CCDC178: variants seen among roughly 807,000 people sequenced by gnomAD.
The protein encoded by CCDC178 is coiled-coil domain containing 178.
CCDC178 carries 126 observed loss-of-function variants against 117.4 expected under a neutral mutation model. The ratio of observed to expected loss-of-function variants is 1.07; its 90% CI spans 0.93 to 1.24. The LOEUF is 1.24. Ranked by LOEUF, CCDC178 falls within the 50% of genes most tolerant of loss-of-function variation. The pLI is 0.00. For synonymous variants in CCDC178, 283 were observed against 313.4 expected, an observed-to-expected ratio of 0.90 and a Z score of 1.02; for missense variants, 1,030 against 986.9, an observed-to-expected ratio of 1.04 and a Z score of -0.59.
At chr18:33,126,127 G>A (rs2058001361) in intron 20 of CCDC178, among the ~76,000 whole-genome samples, 1 of 152,090 alleles carries the variant, frequency 6.6e-6, no homozygotes, top group Non-Finnish European at 1.5e-5. Context: ...TGACCAATTA[G>A]GAGGCTAGTT....
chr18:33,343,755 TTA>T (rs1473093949), intron 9 of CCDC178, among the ~76,000 whole-genome samples: 1 of 152,202 alleles, frequency 6.6e-6, no homozygotes, highest in African/African-American at 2.4e-5. Context: ...TTCCTTAATT[TTA>T]TTTTTGAAAA....
intron 21 of CCDC178, among the ~76,000 whole-genome samples, chr18:33,086,400 G>GTA (rs1326326072): frequency 6.8e-6 from 1 of 147,326 alleles, no homozygotes; most frequent in East Asian, 2.0e-4. Context: ...ATACATGTAT[G>GTA]TATATATACA....
chr18:33,439,383 T>C lies in CCDC178; in HGVS notation c.-23+579A>G, dbSNP rs2064343926. ...TTGTGGATAAAAGCTCTGGCAGCAATCCCAACCCATCCAGGGATAGTGGGT... is the reference window on the plus strand; with the variant it reads ...TTGTGGATAAAAGCTCTGGCAGCAACCCCAACCCATCCAGGGATAGTGGGT... On this transcript the variant is annotated intron_variant, in intron 2 of 22. Transcript: ENST00000383096. 2.0e-5 allele frequency among the ~76,000 whole-genome samples: 3 copies of C among 152,246 alleles called. 1 individual carries two copies. The South Asian group carries it at 6.2e-4, about 32-fold the overall frequency.
At chr18:33,290,614 A>T (rs1360940714) in intron 12 of CCDC178, among the ~76,000 whole-genome samples, 1 of 152,132 alleles carries the variant, frequency 6.6e-6, no homozygotes, top group African/African-American at 2.4e-5. Context: ...GATAATCCTG[A>T]AACCTATATG....
intron 21 of CCDC178, among the ~76,000 whole-genome samples, chr18:33,047,591 C>T (rs1311325695): frequency 6.6e-6 from 1 of 152,076 alleles, no homozygotes; most frequent in East Asian, 1.9e-4. Context: ...AGTGTTTCTT[C>T]ATCTGTGAAA....
At chr18:33,054,207 C>T (rs73415497) in intron 21 of CCDC178, among the ~76,000 whole-genome samples, 67 of 152,310 alleles carry the variant, frequency 4.4e-4, no homozygotes, top group African/African-American at 1.6e-3. Flanking sequence ...ATAAATATTT[C>T]CATGAGCTGT....
chr18:32,972,077 G>A, intron 22 of CCDC178, among the ~76,000 whole-genome samples: 1 of 152,038 alleles, frequency 6.6e-6, no homozygotes, highest in African/African-American at 2.4e-5. Flanking sequence ...TGGTGTTTTA[G>A]TAATGAAGAA....
At chr18:33,017,099 A>G (rs1286496794) in intron 21 of CCDC178, among the ~76,000 whole-genome samples, 1 of 151,948 alleles carries the variant, frequency 6.6e-6, no homozygotes, top group Non-Finnish European at 1.5e-5. Flanking sequence ...TCAGTTTTAC[A>G]TGGAGAAATT....
intron 5 of CCDC178, among the ~76,000 whole-genome samples, chr18:33,377,573 T>C (rs1255550834): frequency 6.6e-6 from 1 of 152,142 alleles, no homozygotes; most frequent in African/African-American, 2.4e-5. Flanking sequence ...TCTTATCATT[T>C]GTTTGAGGTC....
chr18:33,199,561 T>C (rs1435674204), intron 20 of CCDC178, among the ~76,000 whole-genome samples: 1 of 152,204 alleles, frequency 6.6e-6, no homozygotes, highest in Non-Finnish European at 1.5e-5. Context: ...ATGGACACCA[T>C]TCTAACTTGT....
At chr18:33,397,929 A>C (rs1030514225) in intron 3 of CCDC178, among the ~76,000 whole-genome samples, 1 of 152,170 alleles carries the variant, frequency 6.6e-6, no homozygotes, top group African/African-American at 2.4e-5. Context: ...AGAACATAAA[A>C]AAAGTTTAAA....
intron 5 of CCDC178, among the ~76,000 whole-genome samples, chr18:33,382,637 C>T (rs796518007): frequency 3.9e-5 from 6 of 152,254 alleles, no homozygotes; most frequent in African/African-American, 1.4e-4. Flanking sequence ...AATGTGCTAC[C>T]CAGCGGGGGT....
intron 20 of CCDC178, among the ~76,000 whole-genome samples, chr18:33,155,080 T>C (rs1324121655): frequency 6.6e-6 from 1 of 152,122 alleles, no homozygotes; most frequent in African/African-American, 2.4e-5. Flanking sequence ...CCTTTTCAAA[T>C]GCAAAAGAAC....
intron 21 of CCDC178, among the ~76,000 whole-genome samples, chr18:33,010,753 T>G (rs925691942): frequency 6.6e-6 from 1 of 152,176 alleles, no homozygotes. Context: ...GGTATGCATA[T>G]TTTTTTCTTT....
At position 33,209,000 on chromosome 18, in the gene CCDC178, T is replaced by A. The variant is rs981934754; in HGVS notation, c.2238+2896A>T. On this transcript the variant is annotated intron_variant, in intron 20 of 22. Coordinates refer to ENST00000383096, the MANE Select transcript of CCDC178 (RefSeq NM_001105528.4). The stretch of plus-strand genomic sequence containing the variant: ...GGAAAGAACACACAGAGAAAGGAAA[T>A]GACATAGGCGATACAGCAGGTCTTC... 2.6e-5 allele frequency among the ~76,000 whole-genome samples: 4 copies of A among 151,966 alleles called. No individual in the cohort carries two copies. In the South Asian group the frequency reaches 8.3e-4, roughly 32 times the overall value.
chr18:33,429,954 C>A (rs1237613720), intron 2 of CCDC178, among the ~76,000 whole-genome samples: 1 of 152,122 alleles, frequency 6.6e-6, no homozygotes, highest in African/African-American at 2.4e-5. Flanking sequence ...GTCTCTTCCA[C>A]CTAAAATGTA....
At chr18:33,060,582 T>C (rs1416403724) in intron 21 of CCDC178, among the ~76,000 whole-genome samples, 2 of 152,112 alleles carry the variant, frequency 1.3e-5, no homozygotes, top group African/African-American at 4.8e-5. Context: ...AAGTAGCACA[T>C]TCTTGCTGAG....
chr18:33,321,956 C>A (rs1440275006), intron 11 of CCDC178, among the ~76,000 whole-genome samples: 1 of 151,544 alleles, frequency 6.6e-6, no homozygotes, highest in African/African-American at 2.4e-5. Context: ...AATTATTAAT[C>A]AAAAGAAAGC....
chr18:33,159,825 T>A (rs1479430747), intron 20 of CCDC178, among the ~76,000 whole-genome samples: 1 of 152,108 alleles, frequency 6.6e-6, no homozygotes, highest in African/African-American at 2.4e-5. Context: ...ATAGTATCTA[T>A]CTGGAGGTAG....
Sources: allele counts gnomAD v4.1 joint callset (sites outside exome capture counted in the v4.1 genomes callset), GRCh38; gene constraint gnomAD v4.1.1; transcripts MANE v1.5; gene names NCBI Gene and HGNC (gene_info 2026-07-23, HGNC 2026-07-21).